The following DPP10 variants were observed in gnomAD, a reference collection of about 807,000 sequenced individuals.
DPP10 encodes dipeptidyl peptidase like 10.
A neutral mutation model predicts 120.9 loss-of-function variants in DPP10; 33 were observed. That is an observed-to-expected ratio of 0.27 (90% CI 0.21 to 0.37). DPP10 has a LOEUF of 0.37. DPP10 is among the 10% of genes least tolerant of loss of function. The pLI, the probability that DPP10 is intolerant of heterozygous loss-of-function variation, is 1.00. For synonymous variants in DPP10, 337 were observed against 326.1 expected (o/e 1.03, Z -0.36); for missense variants, 816 against 942.8 (o/e 0.87, Z 1.76).
chr2:115,046,750 A>G (rs79021321), intron 1 of DPP10, among the ~76,000 whole-genome samples: 55,638 of 152,004 alleles, frequency 0.37, 10,623 homozygotes, highest in South Asian at 0.54. Flanking sequence ...AAATGTACAG[A>G]GGCATTATAT....
intron 5 of DPP10, among the ~76,000 whole-genome samples, chr2:115,645,753 G>A (rs1348524846): frequency 2.0e-5 from 3 of 152,080 alleles, no homozygotes; most frequent in Non-Finnish European, 4.4e-5. Flanking sequence ...AACATGCTAT[G>A]TTCCAATATT....
chr2:115,464,218 T>C (rs1217974681), intron 3 of DPP10, among the ~76,000 whole-genome samples: 1 of 152,196 alleles, frequency 6.6e-6, no homozygotes, highest in Admixed American at 6.5e-5. Flanking sequence ...AGTCATAATG[T>C]CTTTGGAGCT....
chr2:115,165,815 CAA>C (rs1341116595), intron 1 of DPP10, among the ~76,000 whole-genome samples: 8 of 152,028 alleles, frequency 5.3e-5, no homozygotes, highest in Non-Finnish European at 1.0e-4. Context: ...CACACAAAAA[CAA>C]AAACAACAAA....
intron 1 of DPP10, among the ~76,000 whole-genome samples, chr2:115,146,541 A>G (rs1469735007): frequency 6.6e-6 from 1 of 151,938 alleles, no homozygotes; most frequent in Non-Finnish European, 1.5e-5. Flanking sequence ...ATGCTATAAA[A>G]TCTTTTCCTC....
intron 1 of DPP10, among the ~76,000 whole-genome samples, chr2:115,081,715 A>G (rs1708288008): frequency 6.6e-6 from 1 of 152,196 alleles, no homozygotes; most frequent in Admixed American, 6.5e-5. Context: ...AAAATTTAGA[A>G]CTAATTGACA....
intron 3 of DPP10, among the ~76,000 whole-genome samples, chr2:115,345,349 A>C (rs1227333892): frequency 2.0e-5 from 3 of 152,180 alleles, no homozygotes; most frequent in Admixed American, 6.6e-5. Context: ...TGACTAAAGA[A>C]GGCTAATAAA....
At chr2:115,532,288 A>G (rs2078516526) in intron 5 of DPP10, among the ~76,000 whole-genome samples, 1 of 152,014 alleles carries the variant, frequency 6.6e-6, no homozygotes, top group Admixed American at 6.6e-5. Context: ...AGACTTAGAG[A>G]TATTAACTAA....
intron 1 of DPP10, among the ~76,000 whole-genome samples, chr2:114,570,081 A>G (rs1489026671): frequency 6.6e-6 from 1 of 152,164 alleles, no homozygotes; most frequent in Middle Eastern, 3.2e-3. Flanking sequence ...GGGGATGAGA[A>G]GTTTGTCTCC....
intron 1 of DPP10, among the ~76,000 whole-genome samples, chr2:114,725,482 G>A (rs1701985424): frequency 6.6e-6 from 1 of 152,150 alleles, no homozygotes; most frequent in East Asian, 1.9e-4. Flanking sequence ...AAGTTTCCAG[G>A]TTTCAAAGGC....
At chr2:114,960,114 T>A (rs1001687750) in intron 1 of DPP10, among the ~76,000 whole-genome samples, 1 of 152,144 alleles carries the variant, frequency 6.6e-6, no homozygotes. Context: ...AACTTACTGA[T>A]ACTACTATTT....
At chr2:115,039,118 G>A (rs1704447124) in intron 1 of DPP10, among the ~76,000 whole-genome samples, 1 of 152,128 alleles carries the variant, frequency 6.6e-6, no homozygotes, top group African/African-American at 2.4e-5. Flanking sequence ...AATGCACAAC[G>A]GCAGAAAGCA....
intron 5 of DPP10, among the ~76,000 whole-genome samples, chr2:115,585,317 C>G (rs1273596110): frequency 6.6e-6 from 1 of 152,104 alleles, no homozygotes; most frequent in African/African-American, 2.4e-5. Context: ...ATTTCAGTTG[C>G]AGGCATGGGT....
intron 3 of DPP10, among the ~76,000 whole-genome samples, chr2:115,400,586 C>T (rs1001246659): frequency 9.9e-5 from 15 of 151,988 alleles, no homozygotes; most frequent in Admixed American, 5.9e-4. Flanking sequence ...TCCTGACTTA[C>T]GATAGGATTA....
At position 115,086,477 on chromosome 2, in the gene DPP10, C is replaced by T. The variant is rs1447893012; in HGVS notation, c.61-222762C>T. ...CTTTTTTTTTTTTTTTTTTTTGTGA[C>T]GGAGTCTCCCAGGCTGTCACCCAGG... On this transcript the variant is annotated intron_variant, in intron 1 of 25. Coordinates refer to ENST00000410059, the MANE Select transcript of DPP10 (RefSeq NM_020868.6). 2.5e-4 allele frequency among the ~76,000 whole-genome samples: 28 copies of T among 113,678 alleles called. 1 individual carries two copies. Among genetic ancestry groups the T allele is most frequent in the Non-Finnish European group, 3.9e-4 (22 of 56,618 alleles). 74.6% of individuals were successfully genotyped at this position (113,678 alleles called of 152,430 possible).
chr2:114,480,572 C>T (rs1680936146), intron 1 of DPP10, among the ~76,000 whole-genome samples: 1 of 151,934 alleles, frequency 6.6e-6, no homozygotes, highest in Admixed American at 6.6e-5. Flanking sequence ...ATGGATGAAG[C>T]TGGAAACCAT....
chr2:114,678,041 T>C (rs1387121787), intron 1 of DPP10, among the ~76,000 whole-genome samples: 2 of 152,164 alleles, frequency 1.3e-5, no homozygotes, highest in Non-Finnish European at 2.9e-5. Context: ...TGAATTAGGT[T>C]ATATTGATTA....
intron 1 of DPP10, among the ~76,000 whole-genome samples, chr2:115,131,582 G>C (rs567861323): frequency 6.6e-6 from 1 of 152,160 alleles, no homozygotes; most frequent in South Asian, 2.1e-4. Context: ...AAATATAGCA[G>C]TCCATAAAAA....
chr2:114,629,895 C>G (rs1694791757), intron 1 of DPP10, among the ~76,000 whole-genome samples: 1 of 151,982 alleles, frequency 6.6e-6, no homozygotes, highest in Non-Finnish European at 1.5e-5. Flanking sequence ...TTTGAATATC[C>G]TTTCAAAAGA....
intron 1 of DPP10, among the ~76,000 whole-genome samples, chr2:115,135,351 C>T (rs1225860221): frequency 1.3e-5 from 2 of 151,988 alleles, no homozygotes; most frequent in African/African-American, 4.8e-5. Context: ...TGCCTCAATT[C>T]CCTATCTACC....
Sources: gnomAD v4.1 joint callset for allele counts (sites outside exome capture counted in the v4.1 genomes callset) on GRCh38, gnomAD v4.1.1 for gene constraint, MANE v1.5 for transcripts, NCBI Gene and HGNC (gene_info 2026-07-23, HGNC 2026-07-21) for gene names.